Variants in SLC9A3 observed in about 807,000 individuals in gnomAD.
SLC9A3 encodes the protein sodium/hydrogen exchanger 3.
A neutral mutation model predicts 86.8 loss-of-function variants in SLC9A3; 37 were observed. The observed-to-expected ratio is 0.43, with a 90% CI of 0.33 to 0.56. SLC9A3 has a LOEUF of 0.56. Ranked by LOEUF, SLC9A3 falls within the 20% of genes least tolerant of loss-of-function variation. The pLI, the probability that SLC9A3 is intolerant of heterozygous loss-of-function variation, is 0.06. For missense variants in SLC9A3, 1,011 were observed against 1,171.9 expected, an observed-to-expected ratio of 0.86 and a Z score of 2.00; for synonymous variants, 581 against 528.3, an observed-to-expected ratio of 1.10 and a Z score of -1.37.
At chr5:481,255 T>C (rs966502834) in intron 9 of SLC9A3, among the ~76,000 whole-genome samples, 15 of 152,224 alleles carry the variant, frequency 9.9e-5, no homozygotes, top group Admixed American at 3.3e-4. Context: ...ATTTGCCTTA[T>C]TTTCAATTCC....
In SLC9A3 at chr5:471,548, T is replaced by C. The variant is rs1433561153; in HGVS notation, c.*1831A>G. On this transcript the variant is annotated 3_prime_UTR_variant, in exon 17 of 17. Coordinates refer to ENST00000264938, the MANE Select transcript of SLC9A3 (RefSeq NM_004174.4). ...GTGCCGGGAAGGCCAGGCCCCGGCC[T>C]GCTCCGATGAACGTCAGGACGGTGG... 1 of 351,768 alleles carries C rather than the reference T, an allele frequency of 2.8e-6. No homozygotes were observed. Among genetic ancestry groups the C allele is most frequent in the Non-Finnish European group, 5.6e-6 (1 of 178,232 alleles). The allele number at this position is 351,768 out of a possible 1,614,324, so 21.8% of individuals were successfully genotyped here.
chr5:482,281 AC>A, intron 7 of SLC9A3, 124 bp from the exon 8 acceptor site: 1 of 747,594 alleles, frequency 1.3e-6, no homozygotes, highest in Non-Finnish European at 2.2e-6. Context: ...CTCTCCGGGC[AC>A]CCAGCAACCC....
chr5:493,207 G>A (rs1463700706), intron 1 of SLC9A3, among the ~76,000 whole-genome samples: 10 of 152,142 alleles, frequency 6.6e-5, no homozygotes, highest in East Asian at 1.9e-4. Flanking sequence ...CTCCGGCTTC[G>A]GTGATGTAAG....
rs1560954165 is a variant in SLC9A3, at chr5:482,069, C to CG, written c.1444dup (p.Arg482ProfsTer68). On this transcript the variant is annotated frameshift_variant and splice_region_variant, in exon 8 of 17. Transcript: ENST00000264938. LOFTEE classifies it high-confidence loss of function. ...CCCGCCCCCCAGCCCCGCACTTACGCGCCCGTGCAGCTTCTCGTTGAGCCG... is the reference window on the plus strand; with the variant it reads ...CCCGCCCCCCAGCCCCGCACTTACGCGGCCCGTGCAGCTTCTCGTTGAGCCG... 1.3e-6 allele frequency: 2 copies of CG among 1,514,860 alleles called. No homozygotes were observed. Among genetic ancestry groups the CG allele is most frequent in the Non-Finnish European group, 9.0e-7 (1 of 1,106,462 alleles). 93.8% of individuals were successfully genotyped at this position (1,514,860 alleles called of 1,614,324 possible).
chr5:500,613 TGTGGATGGGGCAGGC>T lies in SLC9A3; in HGVS notation c.212-8557_212-8543del, dbSNP rs1272292295. 3.9e-3 allele frequency among the ~76,000 whole-genome samples: 439 copies of T among 111,182 alleles called. 6 individuals carry two copies. The highest frequency in any genetic ancestry group is 0.016 in the African/African-American group (419 of 25,950). The allele number at this position is 111,182 out of a possible 152,430, so 72.9% of individuals were successfully genotyped here. On this transcript the variant is annotated intron_variant, in intron 1 of 16. Coordinates refer to ENST00000264938, the MANE Select transcript of SLC9A3 (RefSeq NM_004174.4). The stretch of plus-strand genomic sequence containing the variant: ...ATGGGGTCAGTGTGGAAGGGGCCGG[TGTGGATGGGGCAGGC>T]GTGGATGGGGCTGGTGTGGACATGG...
At chr5:484,439 C>G in intron 5 of SLC9A3, 81 bp downstream of exon 5, 1 of 1,368,796 alleles carries the variant, frequency 7.3e-7, no homozygotes, top group Non-Finnish European at 1.0e-6. Flanking sequence ...CCCTGGCTGG[C>G]TCGCCCTGCC....
chr5:490,680 C>G (rs72702703), intron 2 of SLC9A3, among the ~76,000 whole-genome samples: 25,505 of 152,252 alleles, frequency 0.17, 2,665 homozygotes, highest in Non-Finnish European at 0.24. Context: ...CGAGGGGCCG[C>G]GGGTCCAGGA....
chr5:494,925 C>T (rs1193307623), intron 1 of SLC9A3, among the ~76,000 whole-genome samples: 8 of 152,166 alleles, frequency 5.3e-5, no homozygotes, highest in Non-Finnish European at 7.4e-5. Flanking sequence ...GAGGGGTAAT[C>T]GGCTCACCTG....
intron 11 of SLC9A3, 113 bp downstream of exon 11, chr5:477,219 C>T (rs1411734707): frequency 7.2e-6 from 5 of 698,764 alleles, no homozygotes; most frequent in Non-Finnish European, 1.2e-5. Context: ...TTCTGCACCT[C>T]TCCCCTCTTC....
At chr5:512,628 A>T (rs969305313) in intron 1 of SLC9A3, among the ~76,000 whole-genome samples, 3 of 152,174 alleles carry the variant, frequency 2.0e-5, no homozygotes, top group Non-Finnish European at 4.4e-5. Context: ...ACTTGATACT[A>T]TCAGCTCAAT....
In SLC9A3 at chr5:471,164, CAAG is replaced by C. The variant is rs1425516967; in HGVS notation, c.*2212_*2214del. The C allele has an allele frequency of 1.9e-5, 3 of 156,812 alleles. No individual in the cohort carries two copies. The highest frequency in any genetic ancestry group is 2.8e-5 in the Non-Finnish European group (2 of 70,578). 9.7% of individuals were successfully genotyped at this position (156,812 alleles called of 1,614,324 possible). A position where few individuals can be genotyped will look rare whatever the true frequency, so the allele number is the denominator to read the frequency against. ...CCCCCGGTGCTGAAGACCGACCAGT[CAAG>C]GAGGTGTTGGTGGGAGTGTTGTGTT... On this transcript the variant is annotated 3_prime_UTR_variant, in exon 17 of 17. Transcript: ENST00000264938.
chr5:473,588 C>G (rs1408311907), intron 16 of SLC9A3, among the ~76,000 whole-genome samples: 1 of 152,100 alleles, frequency 6.6e-6, no homozygotes, highest in Non-Finnish European at 1.5e-5. Context: ...AGCCCCAGCC[C>G]GGCCCCGCCA....
At chr5:489,154 T>C (rs1002382264) in intron 2 of SLC9A3, among the ~76,000 whole-genome samples, 2 of 152,146 alleles carry the variant, frequency 1.3e-5, no homozygotes, top group African/African-American at 4.8e-5. Context: ...GGTGCCAGGC[T>C]CCAGGGGACC....
chr5:488,502 C>CTAG, intron 2 of SLC9A3, 26 bp from the exon 3 acceptor site: 1 of 1,518,752 alleles, frequency 6.6e-7, no homozygotes, highest in Non-Finnish European at 8.9e-7. Flanking sequence ...GGCCGCGGGG[C>CTAG]AGCTGCAGGG....
In SLC9A3 at chr5:471,839, A is replaced by G. The variant is rs1012119807; in HGVS notation, c.*1540T>C. 13 of 456,526 alleles carry G rather than the reference A, an allele frequency of 2.8e-5. No homozygotes were observed. Among genetic ancestry groups the G allele is most frequent in the African/African-American group, 2.2e-4 (11 of 50,082 alleles). The allele number at this position is 456,526 out of a possible 1,614,324, so 28.3% of individuals were successfully genotyped here. A position where few individuals can be genotyped will look rare whatever the true frequency, so the allele number is the denominator to read the frequency against. On this transcript the variant is annotated 3_prime_UTR_variant, in exon 17 of 17. Coordinates refer to ENST00000264938, the MANE Select transcript of SLC9A3 (RefSeq NM_004174.4). Reference sequence around the variant, plus strand: ...TGACGCTTCCCTTTTTCACAACAGTAAAAAGCTATCAATGGGAAATTGTGG... The same window carrying G: ...TGACGCTTCCCTTTTTCACAACAGTGAAAAGCTATCAATGGGAAATTGTGG...
intron 14 of SLC9A3, 65 bp from the exon 15 acceptor site, chr5:475,736 C>A: frequency 1.1e-6 from 1 of 890,886 alleles, no homozygotes; most frequent in Non-Finnish European, 1.8e-6. Flanking sequence ...GCCCAGTCAG[C>A]AGTGTCCATC....
chr5:488,399 C>T lies in SLC9A3; in HGVS notation c.592G>A (p.Ala198Thr), dbSNP rs1438442774. Residue 198 changes from alanine (A) to threonine (T), a missense_variant, in exon 3 of 17, where the codon GCC becomes ACC. Around this residue, in one of 3 missense-constraint regions of SLC9A3, gnomAD observed 565 missense variants for 790.0 expected, o/e 0.72. Coordinates refer to ENST00000264938, the MANE Select transcript of SLC9A3 (RefSeq NM_004174.4). ...TTGACATGGACCTCCTCAAACACGG[C>T]CAGGACGGCCACCGGGTCCACAGCC... is the stretch of plus-strand genomic sequence containing the variant. ...MAAVDPVAVL[A>T]VFEEVHVNEV... 2.5e-6 allele frequency: 4 copies of T among 1,610,460 alleles called. No homozygotes were observed. Among genetic ancestry groups the T allele is most frequent in the Non-Finnish European group, 3.4e-6 (4 of 1,178,612 alleles).
intron 1 of SLC9A3, among the ~76,000 whole-genome samples, chr5:511,831 A>G (rs934843616): frequency 6.6e-6 from 1 of 152,280 alleles, no homozygotes; most frequent in Non-Finnish European, 1.5e-5. Context: ...ATGGAGGTTT[A>G]TAGCAGCTTT....
intron 1 of SLC9A3, among the ~76,000 whole-genome samples, chr5:506,432 A>C (rs1453673650): frequency 1.3e-5 from 2 of 152,160 alleles, no homozygotes; most frequent in African/African-American, 4.8e-5. Flanking sequence ...CATTTGCCCC[A>C]AATGCAGGAG....
Sources: gnomAD v4.1 joint callset for allele counts (sites outside exome capture counted in the v4.1 genomes callset) on GRCh38, gnomAD v4.1.1 for gene constraint, gnomAD v4.1.1 regional missense constraint, MANE v1.5 for transcripts, NCBI Gene and HGNC (gene_info 2026-07-23, HGNC 2026-07-21) for gene names.